Variants in PDE9A observed in about 807,000 individuals in gnomAD.
The protein encoded by PDE9A is high affinity cGMP-specific 3',5'-cyclic phosphodiesterase 9A.
A neutral mutation model predicts 87.4 loss-of-function variants in PDE9A; 60 were observed. The ratio of observed to expected loss-of-function variants is 0.69; its 90% confidence interval spans 0.56 to 0.85. PDE9A has a LOEUF of 0.85. PDE9A is among the 40% of genes least tolerant of loss of function. The probability of loss-of-function intolerance (pLI) is 0.00; values close to 1 mark genes in which losing one functional copy is unlikely to be tolerated. For synonymous variants in PDE9A, 272 were observed against 279.4 expected, an observed-to-expected ratio of 0.97 and a Z score of 0.27; for missense variants, 665 against 779.0, an observed-to-expected ratio of 0.85 and a Z score of 1.74.
chr21:42,680,072 G>A (rs985979861), intron 1 of PDE9A, among the ~76,000 whole-genome samples: 1 of 152,138 alleles, frequency 6.6e-6, no homozygotes, highest in Non-Finnish European at 1.5e-5. Context: ...CTGGGCTCTC[G>A]CAGCCTGCAG....
chr21:42,663,039 C>G (rs961761680), intron 1 of PDE9A, among the ~76,000 whole-genome samples: 1 of 148,064 alleles, frequency 6.8e-6, no homozygotes, highest in South Asian at 2.1e-4. Context: ...CACACATGCA[C>G]ATCACATACA....
chr21:42,657,547 G>T (rs894534121), intron 1 of PDE9A, among the ~76,000 whole-genome samples: 1 of 152,244 alleles, frequency 6.6e-6, no homozygotes, highest in Non-Finnish European at 1.5e-5. Context: ...CCTTTCTCTT[G>T]CCTATGGAGA....
intron 7 of PDE9A, among the ~76,000 whole-genome samples, chr21:42,738,237 C>T (rs1324655190): frequency 1.3e-5 from 2 of 152,220 alleles, no homozygotes; most frequent in Non-Finnish European, 2.9e-5. Context: ...TAACACAGGC[C>T]ATACAAACAG....
intron 1 of PDE9A, among the ~76,000 whole-genome samples, chr21:42,668,898 A>C (rs993265114): frequency 0.031 from 3,134 of 101,946 alleles, 48 homozygotes; most frequent in African/African-American, 0.1. Context: ...TGCTCCCTCC[A>C]CCCCCCGCCA....
chr21:42,736,995 C>T (rs2052526399), intron 7 of PDE9A, among the ~76,000 whole-genome samples: 2 of 152,222 alleles, frequency 1.3e-5, no homozygotes, highest in African/African-American at 4.8e-5. Flanking sequence ...CCCAAAGATG[C>T]AAGAGCCCAG....
At chr21:42,763,750 G>A (rs926140952) in intron 14 of PDE9A, among the ~76,000 whole-genome samples, 27 of 152,326 alleles carry the variant, frequency 1.8e-4, no homozygotes, top group African/African-American at 6.3e-4. Flanking sequence ...AAGACTGCCT[G>A]GACTTCAGCA....
At chr21:42,757,970 A>G (rs2055257864) in intron 10 of PDE9A, 1 of 152,402 alleles carries the variant, frequency 6.6e-6, no homozygotes, top group Non-Finnish European at 1.5e-5. Flanking sequence ...GGGAGGAGAA[A>G]GTCAGGCAAT....
intron 1 of PDE9A, among the ~76,000 whole-genome samples, chr21:42,674,696 C>T (rs1157662018): frequency 1.3e-5 from 2 of 152,182 alleles, no homozygotes; most frequent in Admixed American, 1.3e-4. Context: ...GAACCTTCCT[C>T]TCTCCTACCA....
chr21:42,712,570 C>T (rs1166849269), intron 4 of PDE9A, among the ~76,000 whole-genome samples: 1 of 152,182 alleles, frequency 6.6e-6, no homozygotes, highest in Non-Finnish European at 1.5e-5. Context: ...AAAGTGAGAG[C>T]AGACGTCCTC....
chr21:42,708,255 G>T (rs1162129105), intron 4 of PDE9A, among the ~76,000 whole-genome samples: 1 of 152,140 alleles, frequency 6.6e-6, no homozygotes, highest in Non-Finnish European at 1.5e-5. Flanking sequence ...CCTTAGAGTA[G>T]CCTAGCCAAC....
At chr21:42,708,143 C>T (rs1034923211) in intron 4 of PDE9A, among the ~76,000 whole-genome samples, 3 of 152,150 alleles carry the variant, frequency 2.0e-5, no homozygotes, top group Non-Finnish European at 4.4e-5. Flanking sequence ...GCTTTATAAG[C>T]AAAGCCACAG....
rs1419447607 is a variant in PDE9A at position 42,675,138 on chromosome 21, T to G, written c.70-11054T>G. Among the ~76,000 whole-genome samples, 2 of 152,258 alleles carry G rather than the reference T, an allele frequency of 1.3e-5. No individual in the cohort carries two copies. Among genetic ancestry groups the G allele is most frequent in the Non-Finnish European group, 2.9e-5 (2 of 68,044 alleles). On this transcript the variant is annotated intron_variant, in intron 1 of 19. Coordinates refer to ENST00000291539, the MANE Select transcript of PDE9A (RefSeq NM_002606.3). The surrounding 1 kb of genome is among the most constrained non-coding windows in gnomAD (Gnocchi z 4.3). ...GCGTGTAAGTGTGTGTCTGGCTTTC[T>G]TTCACATAATTTTGTGTCCTGATCA...
rs2054728776 is a variant in PDE9A at position 42,753,994 on chromosome 21, T to A, written c.740T>A (p.Leu247Gln). 5.6e-6 allele frequency: 9 copies of A among 1,610,356 alleles called. No homozygotes were observed. The East Asian group carries it at 2.0e-4, about 36-fold the overall frequency. Residue 247 changes from leucine to glutamine, a missense_variant, in exon 10 of 20, where the codon CTG becomes CAG. By Grantham distance (113) the Leu-to-Gln change is moderately radical. Coordinates refer to ENST00000291539, the MANE Select transcript of PDE9A (RefSeq NM_002606.3). ...CGGAACTCCTGTCCTTTCTAGTACCTGCTCTCTCCAGAGACCATCGAGGCC... is the reference window on the plus strand; with the variant it reads ...CGGAACTCCTGTCCTTTCTAGTACCAGCTCTCTCCAGAGACCATCGAGGCC... The part of the protein sequence containing the change: ...RRDVPTYPKY[L>Q]LSPETIEALR...
intron 1 of PDE9A, among the ~76,000 whole-genome samples, chr21:42,658,221 C>G (rs1320384862): frequency 6.6e-6 from 1 of 152,218 alleles, no homozygotes; most frequent in Non-Finnish European, 1.5e-5. Context: ...GGCCCCAGAG[C>G]TGTGCCTTTT....
chr21:42,681,896 G>T (rs1397173909), intron 1 of PDE9A, among the ~76,000 whole-genome samples: 3 of 152,118 alleles, frequency 2.0e-5, no homozygotes, highest in Non-Finnish European at 4.4e-5. Context: ...TTCAGCATGT[G>T]GTCAGGAAGC....
intron 1 of PDE9A, among the ~76,000 whole-genome samples, chr21:42,682,128 G>A (rs1166775014): frequency 2.0e-5 from 3 of 152,268 alleles, no homozygotes; most frequent in African/African-American, 7.2e-5. Flanking sequence ...CTGAAGTCAT[G>A]ACTCTCATCC....
intron 1 of PDE9A, among the ~76,000 whole-genome samples, chr21:42,665,527 A>C: frequency 6.6e-6 from 1 of 152,168 alleles, no homozygotes. Flanking sequence ...GGGCTCCCAC[A>C]GGCCAGCAGT....
chr21:42,736,554 G>A (rs757159339), intron 7 of PDE9A, among the ~76,000 whole-genome samples: 3 of 152,196 alleles, frequency 2.0e-5, no homozygotes, highest in Non-Finnish European at 4.4e-5. Flanking sequence ...AAAATTCCTG[G>A]CGCTTCTATG....
chr21:42,678,691 G>A (rs2058989281), intron 1 of PDE9A, among the ~76,000 whole-genome samples: 1 of 152,274 alleles, frequency 6.6e-6, no homozygotes, highest in Admixed American at 6.5e-5. Context: ...ATCCGTCAAT[G>A]CATGCTCCAA....
Sources: gnomAD v4.1 joint callset for allele counts (sites outside exome capture counted in the v4.1 genomes callset) on GRCh38, gnomAD v4.1.1 for gene constraint, Gnocchi (gnomAD v3.1) non-coding constraint, MANE v1.5 for transcripts, NCBI Gene and HGNC (gene_info 2026-07-23, HGNC 2026-07-21) for gene names.